SPAG16: variants seen among roughly 807,000 people sequenced by gnomAD.
SPAG16 encodes the protein sperm associated antigen 16.
A neutral mutation model predicts 80.4 loss-of-function variants in SPAG16; 86 were observed. The observed-to-expected ratio is 1.07, with a 90% CI of 0.90 to 1.28. The LOEUF (loss-of-function observed/expected upper bound fraction) is 1.28. SPAG16 is among the 50% of genes most tolerant of loss of function. SPAG16 has a pLI of 0.00. For synonymous variants in SPAG16, 294 were observed against 265.9 expected, an observed-to-expected ratio of 1.11 and a Z score of -1.03; for missense variants, 870 against 765.3, an observed-to-expected ratio of 1.14 and a Z score of -1.61.
At chr2:214,013,135 G>A (rs936382977) in intron 12 of SPAG16, among the ~76,000 whole-genome samples, 2 of 151,216 alleles carry the variant, frequency 1.3e-5, no homozygotes, top group Non-Finnish European at 2.9e-5. Flanking sequence ...ATCATCAATT[G>A]GCATAGAATG....
chr2:213,531,452 A>G lies in SPAG16; in HGVS notation c.1070+41362A>G, dbSNP rs767017043. Among the ~76,000 whole-genome samples, 18 of 151,664 alleles carry G rather than the reference A, an allele frequency of 1.2e-4. 1 individual carries two copies. Among genetic ancestry groups the G allele is most frequent in the East Asian group, 7.7e-4 (4 of 5,166 alleles). On this transcript the variant is annotated intron_variant, in intron 10 of 15. Transcript: ENST00000331683. ...GCTGCCTGCACTCAGCAATTTAGCA[A>G]TAGAGGAGAGAGAATGGATGGTGAA... is the stretch of plus-strand genomic sequence containing the variant.
chr2:214,173,554 A>T (rs2125641741), intron 15 of SPAG16, among the ~76,000 whole-genome samples: 1 of 152,138 alleles, frequency 6.6e-6, no homozygotes, highest in African/African-American at 2.4e-5. Flanking sequence ...ATAGACCAAT[A>T]ACAGGCTCTG....
intron 5 of SPAG16, among the ~76,000 whole-genome samples, chr2:213,334,340 T>C (rs1249170754): frequency 6.6e-6 from 1 of 152,154 alleles, no homozygotes; most frequent in Non-Finnish European, 1.5e-5. Context: ...AAGGGAACCC[T>C]TGTACGCTGT....
intron 15 of SPAG16, chr2:214,280,735 C>CT (rs2125913063): frequency 2.5e-6 from 1 of 403,794 alleles, no homozygotes; most frequent in Admixed American, 2.9e-5. Flanking sequence ...ATGGTTCTAT[C>CT]TCTTTTAACT....
intron 10 of SPAG16, among the ~76,000 whole-genome samples, chr2:213,515,414 T>C (rs530624553): frequency 4.6e-4 from 70 of 152,298 alleles, no homozygotes; most frequent in Non-Finnish European, 7.8e-4. Context: ...ATCCTCTACC[T>C]CCCTAGCTAG....
rs185008871 is a variant in SPAG16 at position 214,343,602 on chromosome 2, T to A, written c.1721-66538T>A. 9.8e-5 allele frequency among the ~76,000 whole-genome samples: 15 copies of A among 152,314 alleles called. No homozygotes were observed. In the East Asian group the frequency reaches 2.7e-3, roughly 27 times the overall value. On this transcript the variant is annotated intron_variant, in intron 15 of 15. Transcript: ENST00000331683. The stretch of plus-strand genomic sequence containing the variant: ...AGGTGTTATATGTCAGTAATTACAC[T>A]ATTATCCCTAGCAGGTTAGGGAGCT...
chr2:213,437,146 G>A lies in SPAG16; in HGVS notation c.943-52817G>A, dbSNP rs139336295. On this transcript the variant is annotated intron_variant, in intron 9 of 15. Transcript: ENST00000331683. ...GATTTCCTGACCTCGTGATCTGCCC[G>A]TCTCAGCCTTCCAAAGTGCTGGCAT... 7.9e-3 allele frequency among the ~76,000 whole-genome samples: 1,199 copies of A among 152,196 alleles called. 8 individuals are homozygous for A. The highest frequency in any genetic ancestry group is 0.012 in the Non-Finnish European group (804 of 67,988).
At chr2:213,434,892 G>C (rs1323591632) in intron 9 of SPAG16, among the ~76,000 whole-genome samples, 2 of 152,124 alleles carry the variant, frequency 1.3e-5, no homozygotes, top group African/African-American at 2.4e-5. Context: ...ACTATGAAAA[G>C]CTGTATGGAG....
At chr2:214,265,492 A>G (rs1217067969) in intron 15 of SPAG16, among the ~76,000 whole-genome samples, 1 of 151,998 alleles carries the variant, frequency 6.6e-6, no homozygotes, top group Non-Finnish European at 1.5e-5. Flanking sequence ...TTTGTTGTAC[A>G]TTTTGGATAT....
At chr2:213,794,395 A>G (rs566053458) in intron 10 of SPAG16, among the ~76,000 whole-genome samples, 1 of 152,236 alleles carries the variant, frequency 6.6e-6, no homozygotes, top group Non-Finnish European at 1.5e-5. Flanking sequence ...CATAAGTAGT[A>G]TTTTGAAACA....
intron 13 of SPAG16, among the ~76,000 whole-genome samples, chr2:214,014,440 A>G (rs1278427661): frequency 1.3e-5 from 2 of 152,206 alleles, no homozygotes; most frequent in Non-Finnish European, 2.9e-5. Context: ...GAAATGAGAC[A>G]TGCGTTAATA....
At chr2:213,614,094 T>C (rs1319673169) in intron 10 of SPAG16, among the ~76,000 whole-genome samples, 1 of 152,204 alleles carries the variant, frequency 6.6e-6, no homozygotes, top group Non-Finnish European at 1.5e-5. Context: ...AAAATACTGT[T>C]TCCCAAACAA....
chr2:213,396,659 A>G (rs1465219113), intron 9 of SPAG16: 2 of 456,542 alleles, frequency 4.4e-6, no homozygotes, highest in Admixed American at 2.3e-5. Flanking sequence ...GCAGGAGACA[A>G]GAGAACAACA....
chr2:213,524,177 C>T (rs1347545868), intron 10 of SPAG16, among the ~76,000 whole-genome samples: 1 of 152,220 alleles, frequency 6.6e-6, no homozygotes, highest in African/African-American at 2.4e-5. Flanking sequence ...CAAGGTAAAG[C>T]TCAGGCTGTG....
At position 213,918,791 on chromosome 2, in the gene SPAG16, C is replaced by G. The variant is rs985195172; in HGVS notation, c.1215-11169C>G. Among the ~76,000 whole-genome samples the G allele has an allele frequency of 3.9e-5, 6 of 152,192 alleles. No homozygotes were observed. In the South Asian group the frequency reaches 1.2e-3, roughly 32 times the overall value. Reference sequence around the variant, plus strand: ...GGACTAATACATAGACTTTTTATTACTGATTCAGTTTTGTAACTCATTTTT... The same window carrying G: ...GGACTAATACATAGACTTTTTATTAGTGATTCAGTTTTGTAACTCATTTTT... On this transcript the variant is annotated intron_variant, in intron 11 of 15. Coordinates refer to ENST00000331683, the MANE Select transcript of SPAG16 (RefSeq NM_024532.5).
intron 12 of SPAG16, among the ~76,000 whole-genome samples, chr2:213,980,621 T>C (rs2045678324): frequency 6.9e-6 from 1 of 144,478 alleles, no homozygotes; most frequent in Non-Finnish European, 1.5e-5. Context: ...TATGTATATA[T>C]ATAGAATATA....
intron 10 of SPAG16, among the ~76,000 whole-genome samples, chr2:213,804,675 TC>T (rs2071641475): frequency 6.7e-6 from 1 of 148,572 alleles, no homozygotes; most frequent in Non-Finnish European, 1.5e-5. Flanking sequence ...AGAGCGAGAC[TC>T]CGTCTCAACT....
intron 10 of SPAG16, among the ~76,000 whole-genome samples, chr2:213,718,828 A>G (rs2066375109): frequency 6.6e-6 from 1 of 151,492 alleles, no homozygotes; most frequent in Non-Finnish European, 1.5e-5. Flanking sequence ...ACCACCCCCT[A>G]CTCCACGGCG....
At chr2:214,190,749 T>C (rs1230013084) in intron 15 of SPAG16, among the ~76,000 whole-genome samples, 1 of 152,046 alleles carries the variant, frequency 6.6e-6, no homozygotes, top group Non-Finnish European at 1.5e-5. Context: ...AGCTCCCTCT[T>C]CACCTTGAGA....
Sources: gnomAD v4.1 joint callset for allele counts (sites outside exome capture counted in the v4.1 genomes callset) on GRCh38, gnomAD v4.1.1 for gene constraint, MANE v1.5 for transcripts, NCBI Gene and HGNC (gene_info 2026-07-23, HGNC 2026-07-21) for gene names.